ENOX1: variants seen among roughly 807,000 people sequenced by gnomAD.
ENOX1 encodes the protein ecto-NOX disulfide-thiol exchanger 1.
ENOX1 carries 42 observed loss-of-function variants against 82.5 expected under a neutral mutation model. The ratio of observed to expected loss-of-function variants is 0.51; its 90% CI spans 0.40 to 0.66. The LOEUF is 0.66. ENOX1 is among the 30% of genes least tolerant of loss of function. The pLI is 0.00. For synonymous variants in ENOX1, 271 were observed against 282.2 expected (o/e 0.96, Z 0.40); for missense variants, 608 against 811.6 (o/e 0.75, Z 3.05).
intron 3 of ENOX1, among the ~76,000 whole-genome samples, chr13:43,457,751 T>C (rs1245108253): frequency 6.6e-6 from 1 of 151,992 alleles, no homozygotes; most frequent in African/African-American, 2.4e-5. Flanking sequence ...TCAAACTACG[T>C]TTTATCAGTC....
intron 1 of ENOX1, among the ~76,000 whole-genome samples, chr13:43,738,694 A>T (rs2089748250): frequency 6.7e-6 from 1 of 150,166 alleles, no homozygotes; most frequent in South Asian, 2.1e-4. Context: ...ATTTACAGTG[A>T]TATTTGATTA....
At chr13:43,608,264 T>C (rs139830960) in intron 2 of ENOX1, among the ~76,000 whole-genome samples, 1 of 152,304 alleles carries the variant, frequency 6.6e-6, no homozygotes, top group African/African-American at 2.4e-5. Context: ...CTTTAAACAA[T>C]ATGATATGAC....
At chr13:43,294,363 G>A (rs2046175667) in intron 12 of ENOX1, among the ~76,000 whole-genome samples, 1 of 152,182 alleles carries the variant, frequency 6.6e-6, no homozygotes, top group African/African-American at 2.4e-5. Flanking sequence ...ATTATGACAT[G>A]TTGACCTATC....
intron 15 of ENOX1, 112 bp from the exon 16 acceptor site, chr13:43,224,250 C>A: frequency 1.3e-6 from 1 of 795,506 alleles, no homozygotes; most frequent in Non-Finnish European, 2.1e-6. Flanking sequence ...TATGGTCTTG[C>A]CATTTCTAGC....
intron 2 of ENOX1, among the ~76,000 whole-genome samples, chr13:43,647,624 T>C (rs2083956811): frequency 6.6e-6 from 1 of 152,212 alleles, no homozygotes. Context: ...GAAATGAGGC[T>C]TTGGGCTTGA....
intron 1 of ENOX1, among the ~76,000 whole-genome samples, chr13:43,773,874 T>C (rs1033831795): frequency 6.6e-6 from 1 of 152,190 alleles, no homozygotes. Flanking sequence ...TACCTATTCA[T>C]TAGGCACGCA....
intron 5 of ENOX1, among the ~76,000 whole-genome samples, chr13:43,364,828 C>G (rs982733682): frequency 6.6e-6 from 1 of 152,204 alleles, no homozygotes; most frequent in Non-Finnish European, 1.5e-5. Context: ...GCAAAAGAGT[C>G]GGGACACATG....
chr13:43,726,219 T>A (rs2153820112), intron 1 of ENOX1, among the ~76,000 whole-genome samples: 1 of 150,440 alleles, frequency 6.6e-6, no homozygotes, highest in South Asian at 2.1e-4. Context: ...TTTCATCTTT[T>A]TTTTTTTTTT....
At chr13:43,670,661 C>A (rs2085216529) in intron 1 of ENOX1, among the ~76,000 whole-genome samples, 1 of 152,052 alleles carries the variant, frequency 6.6e-6, no homozygotes. Context: ...CGAGACCAAC[C>A]TAGCCAACAT....
Position 43,344,699 on chromosome 13 carries a change from C to T in ENOX1, c.875G>A (p.Arg292Gln), listed in dbSNP as rs765142087. ...TGCAGAGCGCCGATTCACTTCCCCT[C>T]GTTCAATCCAGGAAAGCAGCACTGT... Reference protein sequence around the residue: ...AITVLLSWIERGEVNRRSANQ... With the variant: ...AITVLLSWIEQGEVNRRSANQ... The change falls in exon 9 of 17, where the codon CGA becomes CAA. Residue 292 changes from arginine (R) to glutamine (Q), a missense_variant. By Grantham distance (43) the Arg-to-Gln change is conservative. Transcript: ENST00000690772. 5 of 1,614,200 alleles carry T rather than the reference C, an allele frequency of 3.1e-6. No individual in the cohort carries two copies. The South Asian group carries it at 4.4e-5, about 14-fold the overall frequency.
At chr13:43,723,844 G>T (rs563768605) in intron 1 of ENOX1, among the ~76,000 whole-genome samples, 6 of 151,842 alleles carry the variant, frequency 4.0e-5, no homozygotes, top group Admixed American at 2.6e-4. Flanking sequence ...AGAAAAAAAA[G>T]AAAATGAGAC....
intron 1 of ENOX1, among the ~76,000 whole-genome samples, chr13:43,774,384 C>T (rs11840638): frequency 3.3e-5 from 5 of 151,916 alleles, no homozygotes; most frequent in African/African-American, 4.8e-5. Context: ...ATAAAGAAAA[C>T]GGAAAATGGA....
At chr13:43,452,521 T>C (rs569972188) in intron 3 of ENOX1, among the ~76,000 whole-genome samples, 1 of 152,294 alleles carries the variant, frequency 6.6e-6, no homozygotes, top group Admixed American at 6.5e-5. Flanking sequence ...TGTCCATCAT[T>C]GTATCTAACT....
rs78682052 is a variant in ENOX1, at chr13:43,592,527, A to T, written c.-219+74952T>A. Among the ~76,000 whole-genome samples, 984 of 152,332 alleles carry T rather than the reference A, an allele frequency of 6.5e-3. 8 individuals carry two copies. Among genetic ancestry groups the T allele is most frequent in the African/African-American group, 0.023 (953 of 41,582 alleles). On this transcript the variant is annotated intron_variant, in intron 2 of 16. Transcript: ENST00000690772. Reference sequence around the variant, plus strand: ...TTCTTGTCAGTAATAGAATATCAGTATCTATTAGAATGTGATTTAAGTTAA... The same window carrying T: ...TTCTTGTCAGTAATAGAATATCAGTTTCTATTAGAATGTGATTTAAGTTAA...
intron 2 of ENOX1, among the ~76,000 whole-genome samples, chr13:43,603,346 C>T (rs2081815893): frequency 6.7e-6 from 1 of 149,268 alleles, no homozygotes; most frequent in Non-Finnish European, 1.5e-5. Flanking sequence ...CAAAATGGTT[C>T]CAGCTGCTTT....
chr13:43,321,186 C>G (rs927363886), intron 11 of ENOX1: 7 of 455,800 alleles, frequency 1.5e-5, no homozygotes, highest in South Asian at 1.1e-4. Context: ...ATCAGAATTT[C>G]CTATAGGGCT....
intron 2 of ENOX1, among the ~76,000 whole-genome samples, chr13:43,541,801 A>C (rs928166479): frequency 6.6e-6 from 1 of 152,186 alleles, no homozygotes; most frequent in East Asian, 1.9e-4. Flanking sequence ...TAATAATGTC[A>C]AATCATTATT....
intron 3 of ENOX1, among the ~76,000 whole-genome samples, chr13:43,430,863 C>CA (rs2055614354): frequency 6.6e-6 from 1 of 152,104 alleles, no homozygotes; most frequent in Non-Finnish European, 1.5e-5. Context: ...ACATGGATGC[C>CA]AAGGCAACTC....
rs895934808 is a variant in ENOX1, at chr13:43,406,562, G to A, written c.208+5354C>T. Among the ~76,000 whole-genome samples, 11 of 149,956 alleles carry A rather than the reference G, an allele frequency of 7.3e-5. No homozygotes were observed. In the South Asian group the frequency reaches 1.1e-3, roughly 14 times the overall value. On this transcript the variant is annotated intron_variant, in intron 5 of 16. Coordinates refer to ENST00000690772, the MANE Select transcript of ENOX1 (RefSeq NM_001347969.2). ...GGCTGGAGTGCAGTGGCGCCATCTC[G>A]GCTCACTGCAAGCTCCGCCTCCCGG...
Sources: allele counts gnomAD v4.1 joint callset (sites outside exome capture counted in the v4.1 genomes callset), GRCh38; gene constraint gnomAD v4.1.1; transcripts MANE v1.5; gene names NCBI Gene and HGNC (gene_info 2026-07-23, HGNC 2026-07-21).